The following ZBTB20 variants were observed in gnomAD, a reference collection of about 807,000 sequenced individuals.
The protein encoded by ZBTB20 is zinc finger and BTB domain containing 20.
Under a neutral mutation model 56.9 loss-of-function variants are expected in ZBTB20, and 9 were observed. The ratio of observed to expected loss-of-function variants is 0.16; its 90% confidence interval spans 0.10 to 0.28. ZBTB20 has a LOEUF of 0.28. Ranked by LOEUF, ZBTB20 falls within the 10% of genes least tolerant of loss-of-function variation. The pLI is 1.00. For synonymous variants in ZBTB20, 417 were observed against 420.7 expected (o/e 0.99, Z 0.11); for missense variants, 655 against 1,003.0 (o/e 0.65, Z 4.69).
At chr3:114,355,212 G>C (rs1241812830) in intron 10 of ZBTB20, among the ~76,000 whole-genome samples, 1 of 151,972 alleles carries the variant, frequency 6.6e-6, no homozygotes. Flanking sequence ...TGTTTGACCA[G>C]ATTGGATTGC....
At chr3:114,777,192 C>A (rs1272877556) in intron 5 of ZBTB20, among the ~76,000 whole-genome samples, 8 of 152,130 alleles carry the variant, frequency 5.3e-5, no homozygotes, top group Non-Finnish European at 7.3e-5. Flanking sequence ...TAATATGGAA[C>A]CTAAACCCAA....
At chr3:114,961,592 G>A in intron 3 of ZBTB20, among the ~76,000 whole-genome samples, 1 of 152,056 alleles carries the variant, frequency 6.6e-6, no homozygotes, top group Middle Eastern at 3.2e-3. Flanking sequence ...GGAAAAAAGT[G>A]GGCTCCATTT....
At chr3:114,902,288 T>C (rs1212069998) in intron 3 of ZBTB20, among the ~76,000 whole-genome samples, 1 of 152,220 alleles carries the variant, frequency 6.6e-6, no homozygotes, top group East Asian at 1.9e-4. Context: ...GCCTAACTTA[T>C]TCACTAATTC....
At chr3:115,129,024 G>A (rs2084424397) in intron 1 of ZBTB20, among the ~76,000 whole-genome samples, 1 of 151,858 alleles carries the variant, frequency 6.6e-6, no homozygotes, top group African/African-American at 2.4e-5. Flanking sequence ...GCGTGAACCC[G>A]GGAGGCAGAG....
At chr3:114,631,627 G>A (rs936616804) in intron 6 of ZBTB20, among the ~76,000 whole-genome samples, 3 of 151,816 alleles carry the variant, frequency 2.0e-5, no homozygotes, top group Admixed American at 6.6e-5. Flanking sequence ...TCCTGACCTC[G>A]TGATCCGCCT....
At chr3:114,976,492 G>A (rs1017830950) in intron 2 of ZBTB20, among the ~76,000 whole-genome samples, 3 of 152,044 alleles carry the variant, frequency 2.0e-5, no homozygotes, top group African/African-American at 4.8e-5. Flanking sequence ...CGGGCGTGGT[G>A]GCGGGCACCT....
At chr3:114,988,435 C>CA (rs1553874297) in intron 2 of ZBTB20, among the ~76,000 whole-genome samples, 1 of 151,902 alleles carries the variant, frequency 6.6e-6, no homozygotes, top group Non-Finnish European at 1.5e-5. Flanking sequence ...ATGAACTCAT[C>CA]TTTTTTATGG....
intron 5 of ZBTB20, among the ~76,000 whole-genome samples, chr3:114,700,140 C>T (rs1054526161): frequency 3.9e-5 from 6 of 151,940 alleles, no homozygotes; most frequent in African/African-American, 1.4e-4. Flanking sequence ...TCTTTAGAGT[C>T]TTTGCCTCCT....
intron 2 of ZBTB20, among the ~76,000 whole-genome samples, chr3:115,018,325 T>G (rs1348963116): frequency 6.6e-6 from 1 of 151,412 alleles, no homozygotes; most frequent in Non-Finnish European, 1.5e-5. Flanking sequence ...AAGATAAAAT[T>G]AACCACAGAC....
intron 4 of ZBTB20, among the ~76,000 whole-genome samples, chr3:114,814,014 A>G (rs1170905969): frequency 6.6e-6 from 1 of 151,946 alleles, no homozygotes; most frequent in African/African-American, 2.4e-5. Flanking sequence ...ATTTATCTTG[A>G]TATTTACATT....
intron 7 of ZBTB20, among the ~76,000 whole-genome samples, chr3:114,465,070 G>T (rs1164022881): frequency 2.2e-5 from 3 of 134,996 alleles, no homozygotes; most frequent in Admixed American, 7.2e-5. Context: ...CTAAATTCTT[G>T]TACTTAAAAA....
At chr3:115,035,217 A>T (rs901304173) in intron 2 of ZBTB20, among the ~76,000 whole-genome samples, 3 of 152,104 alleles carry the variant, frequency 2.0e-5, no homozygotes, top group Non-Finnish European at 4.4e-5. Context: ...AGACAAATTG[A>T]GCTTCATAAA....
intron 2 of ZBTB20, among the ~76,000 whole-genome samples, chr3:115,054,715 A>G (rs1481333682): frequency 6.6e-6 from 1 of 152,188 alleles, no homozygotes; most frequent in African/African-American, 2.4e-5. Flanking sequence ...TGATTATTAT[A>G]AATCACAAAA....
intron 1 of ZBTB20, among the ~76,000 whole-genome samples, chr3:115,106,660 TCAA>T (rs960180667): frequency 7.9e-5 from 12 of 152,188 alleles, no homozygotes; most frequent in Non-Finnish European, 1.6e-4. Flanking sequence ...TAAATTCTAA[TCAA>T]CAAATGTTTA....
At chr3:114,818,003 C>A (rs2073039868) in intron 4 of ZBTB20, among the ~76,000 whole-genome samples, 1 of 152,022 alleles carries the variant, frequency 6.6e-6, no homozygotes, top group Admixed American at 6.6e-5. Context: ...AGAAATGAAA[C>A]CCCAATGACA....
In ZBTB20 at chr3:114,336,729, T is replaced by C. The variant is rs2079469768; in HGVS notation, c.*2276A>G. On this transcript the variant is annotated 3_prime_UTR_variant, in exon 12 of 12. Transcript: ENST00000675478. ...GATTTTCCCTCGTTTGCTGCACAGT[T>C]TTTGTAAATAAAATGCTGACAGGAA... 6.6e-6 allele frequency: 1 copy of C among 152,228 alleles called. No individual in the cohort carries two copies. Among genetic ancestry groups the C allele is most frequent in the South Asian group, 2.1e-4 (1 of 4,834 alleles). The allele number at this position is 152,228 out of a possible 1,614,324, so 9.4% of individuals were successfully genotyped here. A position where few individuals can be genotyped will look rare whatever the true frequency, so the allele number is the denominator to read the frequency against.
In ZBTB20 at chr3:114,985,778, A is replaced by G. The variant is rs563431012; in HGVS notation, c.-506-11362T>C. Reference sequence around the variant, plus strand: ...ATCCTGACTATACCTAGCCTTGACAAGCGTTCTAATGCCTCTACAGGTGAA... The same window carrying G: ...ATCCTGACTATACCTAGCCTTGACAGGCGTTCTAATGCCTCTACAGGTGAA... On this transcript the variant is annotated intron_variant, in intron 2 of 11. Transcript: ENST00000675478. 1.8e-4 allele frequency among the ~76,000 whole-genome samples: 27 copies of G among 152,204 alleles called. No individual in the cohort carries two copies. The South Asian group carries it at 5.2e-3, about 29-fold the overall frequency.
intron 8 of ZBTB20, among the ~76,000 whole-genome samples, chr3:114,384,772 C>G (rs1273572633): frequency 6.6e-6 from 1 of 152,148 alleles, no homozygotes; most frequent in Admixed American, 6.5e-5. Context: ...TTGGCTCTTT[C>G]CTAACTAGAC....
chr3:114,349,933 G>C (rs532675003), intron 11 of ZBTB20, among the ~76,000 whole-genome samples: 2 of 152,218 alleles, frequency 1.3e-5, no homozygotes, highest in South Asian at 2.1e-4. Flanking sequence ...CTGGCTGGGT[G>C]TAAGAGCTCA....
Sources: gnomAD v4.1 joint callset for allele counts (sites outside exome capture counted in the v4.1 genomes callset) on GRCh38, gnomAD v4.1.1 for gene constraint, MANE v1.5 for transcripts, NCBI Gene and HGNC (gene_info 2026-07-23, HGNC 2026-07-21) for gene names.